The following PARVB variants were observed in gnomAD, a reference collection of about 807,000 sequenced individuals.
PARVB encodes the protein beta-parvin.
Under a neutral mutation model 47.0 loss-of-function variants are expected in PARVB, and 46 were observed. That is an observed-to-expected ratio of 0.98 (90% CI 0.77 to 1.25). The LOEUF is 1.25. PARVB is among the 50% of genes most tolerant of loss of function. The pLI, the probability that PARVB is intolerant of heterozygous loss-of-function variation, is 0.00. For missense variants in PARVB, 473 were observed against 471.6 expected (o/e 1.00, Z -0.03); for synonymous variants, 196 against 196.3 (o/e 1.00, Z 0.01).
At chr22:44,027,904 A>C (rs2050756882) in intron 1 of PARVB, among the ~76,000 whole-genome samples, 1 of 111,348 alleles carries the variant, frequency 9.0e-6, no homozygotes, top group South Asian at 3.1e-4. Context: ...TATCAAATAG[A>C]AAAAAAAACC....
rs141634615 is a variant in PARVB at position 44,037,131 on chromosome 22, G to T, written c.112+12680G>T. On this transcript the variant is annotated intron_variant, in intron 1 of 12. Coordinates refer to ENST00000338758, the MANE Select transcript of PARVB (RefSeq NM_013327.5). ...GAGCCCAGGAGTTTGAGACTAGCCT[G>T]GGCAATATAGTGAGACCTCGTCTCT... Among the ~76,000 whole-genome samples, 893 of 152,238 alleles carry T rather than the reference G, an allele frequency of 5.9e-3. 8 individuals carry two copies. Among genetic ancestry groups the T allele is most frequent in the African/African-American group, 0.02 (849 of 41,528 alleles).
At chr22:44,008,844 C>T (rs2050494218) in intron 2 of PARVB, among the ~76,000 whole-genome samples, 2 of 151,842 alleles carry the variant, frequency 1.3e-5, no homozygotes, top group Admixed American at 1.3e-4. Context: ...AAAAAATTAG[C>T]TGGGTGTGGG....
At chr22:44,078,162 C>G (rs1346241953) in intron 1 of PARVB, among the ~76,000 whole-genome samples, 2 of 152,164 alleles carry the variant, frequency 1.3e-5, no homozygotes, top group Non-Finnish European at 2.9e-5. Context: ...GCATCCTTAG[C>G]TCAGGCAAGC....
chr22:44,122,035 T>C (rs1263872321), intron 4 of PARVB, among the ~76,000 whole-genome samples: 3 of 152,238 alleles, frequency 2.0e-5, no homozygotes, highest in Non-Finnish European at 4.4e-5. Flanking sequence ...TTATTTTCTT[T>C]TTGAGTGGTC....
intron 1 of PARVB, among the ~76,000 whole-genome samples, chr22:44,082,911 C>T (rs913356177): frequency 7.9e-5 from 12 of 152,136 alleles, no homozygotes; most frequent in African/African-American, 2.9e-4. Flanking sequence ...GACCCAGTTT[C>T]CCTGAGCCAG....
chr22:44,159,761 G>T (rs1169508624), intron 11 of PARVB, among the ~76,000 whole-genome samples: 3 of 152,134 alleles, frequency 2.0e-5, no homozygotes, highest in Non-Finnish European at 4.4e-5. Context: ...GGTCCCTGCT[G>T]TGGAGGACTC....
At chr22:44,133,535 TTTTTA>T (rs781546119) in intron 6 of PARVB, among the ~76,000 whole-genome samples, 7 of 152,178 alleles carry the variant, frequency 4.6e-5, no homozygotes, top group African/African-American at 1.4e-4. Context: ...TTACATTTAT[TTTTTA>T]TTTTATTTTA....
chr22:44,162,576 C>T (rs2054076308), intron 11 of PARVB, among the ~76,000 whole-genome samples: 1 of 152,234 alleles, frequency 6.6e-6, no homozygotes, highest in Non-Finnish European at 1.5e-5. Context: ...CTGCCTCGGC[C>T]TCACAAAGTG....
chr22:44,122,574 G>GAC (rs1569134611), intron 4 of PARVB, among the ~76,000 whole-genome samples: 4 of 107,492 alleles, frequency 3.7e-5, no homozygotes, highest in Admixed American at 8.5e-5. Flanking sequence ...GAGAGAGAGA[G>GAC]AGAGAGAGAG....
chr22:44,052,924 CAG>C (rs1276452704), intron 1 of PARVB, among the ~76,000 whole-genome samples: 1 of 152,028 alleles, frequency 6.6e-6, no homozygotes, highest in Non-Finnish European at 1.5e-5. Flanking sequence ...GCCTGGGAGA[CAG>C]AGCAAAGCCC....
rs1380300230 is a variant in PARVB at position 44,068,638 on chromosome 22, G to A, written c.113-25290G>A. ...CTCCTGACGTAGTCGGCACACGGGA[G>A]ATGCAGCTGGGGTGGCACGTGCCCA... On this transcript the variant is annotated intron_variant, in intron 1 of 12. Transcript: ENST00000338758. This position sits in a 1 kb window ranked among gnomAD's most constrained non-coding sequence, Gnocchi z 4.1. Among the ~76,000 whole-genome samples the A allele has an allele frequency of 1.3e-5, 2 of 152,240 alleles. 1 individual carries two copies.
chr22:44,114,279 G>T (rs1354683390), intron 3 of PARVB: 1 of 153,764 alleles, frequency 6.5e-6, no homozygotes, highest in Non-Finnish European at 1.4e-5. Flanking sequence ...CACCAACACA[G>T]ATACATTGTT....
intron 4 of PARVB, 54 bp downstream of exon 4, chr22:44,119,194 C>A: frequency 1.6e-6 from 2 of 1,257,808 alleles, no homozygotes; most frequent in Non-Finnish European, 2.3e-6. Flanking sequence ...TGCAGCGGCC[C>A]TGGGCTGGGC....
intron 4 of PARVB, among the ~76,000 whole-genome samples, chr22:44,127,000 A>G (rs1033894355): frequency 1.5e-4 from 23 of 152,334 alleles, no homozygotes; most frequent in African/African-American, 5.1e-4. Context: ...CTCTCAAGGC[A>G]CATCCTTTTG....
At chr22:44,040,549 A>T (rs569149601) in intron 1 of PARVB, among the ~76,000 whole-genome samples, 1 of 152,124 alleles carries the variant, frequency 6.6e-6, no homozygotes, top group Non-Finnish European at 1.5e-5. Context: ...GGAAGTTGCA[A>T]TGATGTGGGG....
rs560421336 is a variant in PARVB, at chr22:44,027,753, C to T, written c.112+3302C>T. ...TCTCCAGTAAAAACGCAAAAATTAG[C>T]CGGGCATGGTGGCGTGTGCCTGTAA... On this transcript the variant is annotated intron_variant, in intron 1 of 12. Coordinates refer to ENST00000338758, the MANE Select transcript of PARVB (RefSeq NM_013327.5). 5.3e-5 allele frequency among the ~76,000 whole-genome samples: 8 copies of T among 151,896 alleles called. 1 individual carries two copies. In the South Asian group the frequency reaches 1.7e-3, roughly 32 times the overall value.
At chr22:44,034,356 C>CAT (rs1211489098) in intron 1 of PARVB, among the ~76,000 whole-genome samples, 4 of 148,342 alleles carry the variant, frequency 2.7e-5, no homozygotes, top group South Asian at 2.2e-4. Context: ...GGTCTTTATA[C>CAT]ATATATATTT....
At chr22:44,067,249 G>A (rs1462954284) in intron 1 of PARVB, among the ~76,000 whole-genome samples, 1 of 152,184 alleles carries the variant, frequency 6.6e-6, no homozygotes, top group African/African-American at 2.4e-5. Flanking sequence ...ATGCATACAG[G>A]GTGAGTGAAT....
intron 1 of PARVB, among the ~76,000 whole-genome samples, chr22:44,036,940 G>T (rs1198752699): frequency 6.6e-6 from 1 of 151,380 alleles, no homozygotes; most frequent in African/African-American, 2.4e-5. Context: ...AACCATGATT[G>T]CGCCACTGCA....
Sources: allele counts gnomAD v4.1 joint callset (sites outside exome capture counted in the v4.1 genomes callset), GRCh38; gene constraint gnomAD v4.1.1; non-coding constraint Gnocchi (gnomAD v3.1); transcripts MANE v1.5; gene names NCBI Gene and HGNC (gene_info 2026-07-23, HGNC 2026-07-21).